MACROD1: variants seen among roughly 807,000 people sequenced by gnomAD.
The protein encoded by MACROD1 is mono-ADP ribosylhydrolase 1, also known as ADP-ribose glycohydrolase MACROD1.
In MACROD1, 31 loss-of-function variants were observed where a neutral mutation model predicts 41.4. The ratio of observed to expected loss-of-function variants is 0.75; its 90% CI spans 0.56 to 1.01. The LOEUF (loss-of-function observed/expected upper bound fraction) is 1.01, where lower values mean the gene tolerates loss of function less well. MACROD1 is among the 50% of genes least tolerant of loss of function. The probability of loss-of-function intolerance (pLI) is 0.00; values close to 1 mark genes in which losing one functional copy is unlikely to be tolerated. For synonymous variants in MACROD1, 252 were observed against 203.4 expected, an observed-to-expected ratio of 1.24 and a Z score of -2.03; for missense variants, 473 against 460.0, an observed-to-expected ratio of 1.03 and a Z score of -0.26.
At chr11:64,044,057 C>A (rs1590830710) in intron 3 of MACROD1, among the ~76,000 whole-genome samples, 2 of 151,960 alleles carry the variant, frequency 1.3e-5, no homozygotes, top group East Asian at 3.9e-4. Context: ...CTCAGGTGAT[C>A]CACCCACTTC....
At chr11:64,147,750 T>C (rs1945515440) in intron 3 of MACROD1, among the ~76,000 whole-genome samples, 1 of 148,568 alleles carries the variant, frequency 6.7e-6, no homozygotes. Flanking sequence ...ATTATATATA[T>C]ATATATATTT....
At position 64,064,945 on chromosome 11, in the gene MACROD1, G is replaced by A. The variant is rs1222235632; in HGVS notation, c.518-49664C>T. On this transcript the variant is annotated intron_variant, in intron 3 of 10. Coordinates refer to ENST00000255681, the MANE Select transcript of MACROD1 (RefSeq NM_014067.4). This position sits in a 1 kb window ranked among gnomAD's most constrained non-coding sequence, Gnocchi z 4.5. Reference sequence around the variant, plus strand: ...CGGCAGGCAGGAGGGCCACCATGGTGACTGAGACAGACTCAGGGTCTTTCC... The same window carrying A: ...CGGCAGGCAGGAGGGCCACCATGGTAACTGAGACAGACTCAGGGTCTTTCC... Among the ~76,000 whole-genome samples, 6 of 151,646 alleles carry A rather than the reference G, an allele frequency of 4.0e-5. No homozygotes were observed. The East Asian group carries it at 1.2e-3, about 30-fold the overall frequency.
intron 5 of MACROD1, 29 bp from the exon 6 acceptor site, chr11:63,999,792 G>A (rs1423120041): frequency 3.8e-6 from 6 of 1,592,840 alleles, no homozygotes; most frequent in South Asian, 1.1e-5. Context: ...TCAGACCGGC[G>A]GGGGTCTACG....
chr11:64,095,006 A>G (rs1944552653), intron 3 of MACROD1, among the ~76,000 whole-genome samples: 1 of 152,184 alleles, frequency 6.6e-6, no homozygotes, highest in Non-Finnish European at 1.5e-5. Flanking sequence ...GAGCCTCGTT[A>G]TTAACAAAAG....
At chr11:64,000,568 C>A (rs1942806803) in intron 4 of MACROD1, among the ~76,000 whole-genome samples, 1 of 151,714 alleles carries the variant, frequency 6.6e-6, no homozygotes, top group African/African-American at 2.4e-5. Context: ...GGCGGGAAGT[C>A]GCGCAAGGAG....
At chr11:64,034,828 G>C (rs1943343661) in intron 3 of MACROD1, among the ~76,000 whole-genome samples, 2 of 152,250 alleles carry the variant, frequency 1.3e-5, no homozygotes, top group Non-Finnish European at 2.9e-5. Flanking sequence ...GCAGGCTTGG[G>C]ACTCAGAGCA....
chr11:64,010,186 CTGGGGTGTTGGT>C (rs1348414905), intron 4 of MACROD1, among the ~76,000 whole-genome samples: 1 of 134,750 alleles, frequency 7.4e-6, no homozygotes, highest in African/African-American at 2.8e-5. Context: ...GGTGTGTTGG[CTGGGGTGTTGGT>C]TGGCATATTG....
intron 3 of MACROD1, chr11:64,117,501 C>T: frequency 3.1e-6 from 5 of 1,610,380 alleles, no homozygotes; most frequent in Non-Finnish European, 4.2e-6. Flanking sequence ...CCTGTTTACC[C>T]TCAAGGCCAA....
chr11:64,062,204 T>C (rs1238736714), intron 3 of MACROD1, among the ~76,000 whole-genome samples: 1 of 152,110 alleles, frequency 6.6e-6, no homozygotes, highest in East Asian at 1.9e-4. Flanking sequence ...TGCCACACTA[T>C]GAGGGTTCCA....
chr11:64,026,137 T>G (rs1452643865), intron 3 of MACROD1, among the ~76,000 whole-genome samples: 1 of 152,140 alleles, frequency 6.6e-6, no homozygotes, highest in Admixed American at 6.5e-5. Flanking sequence ...GCCGAGATTG[T>G]GCCATTGCAC....
chr11:64,063,745 G>T (rs143266298), intron 3 of MACROD1, among the ~76,000 whole-genome samples: 1 of 152,178 alleles, frequency 6.6e-6, no homozygotes, highest in African/African-American at 2.4e-5. Context: ...GGGCAGCCAC[G>T]CGGTCCTCGC....
At chr11:64,154,327 C>A (rs1382509211) in intron 1 of MACROD1, among the ~76,000 whole-genome samples, 1 of 152,122 alleles carries the variant, frequency 6.6e-6, no homozygotes, top group Non-Finnish European at 1.5e-5. Flanking sequence ...CGAGACCCTG[C>A]ACCAGGGGTC....
intron 3 of MACROD1, among the ~76,000 whole-genome samples, chr11:64,143,565 C>T (rs1187323254): frequency 6.6e-6 from 1 of 152,048 alleles, no homozygotes; most frequent in African/African-American, 2.4e-5. Flanking sequence ...CCCAGGAGCC[C>T]AGATTCAGAT....
chr11:64,147,534 T>C (rs779092645), intron 3 of MACROD1, among the ~76,000 whole-genome samples: 1 of 145,978 alleles, frequency 6.9e-6, no homozygotes. Context: ...GTGATTCTCC[T>C]ACCTCAGCCT....
intron 3 of MACROD1, among the ~76,000 whole-genome samples, chr11:64,143,392 G>A (rs1167894336): frequency 6.6e-6 from 1 of 152,134 alleles, no homozygotes; most frequent in Non-Finnish European, 1.5e-5. Flanking sequence ...AACGTGTGCA[G>A]CGTGTTGAGC....
chr11:64,026,399 A>G (rs138705537), intron 3 of MACROD1, among the ~76,000 whole-genome samples: 2 of 152,220 alleles, frequency 1.3e-5, no homozygotes, highest in Non-Finnish European at 2.9e-5. Context: ...ACTGACCCAC[A>G]GTCAAGCATG....
At chr11:64,104,539 C>G (rs973488109) in intron 3 of MACROD1, among the ~76,000 whole-genome samples, 1 of 152,130 alleles carries the variant, frequency 6.6e-6, no homozygotes, top group Non-Finnish European at 1.5e-5. Flanking sequence ...AAGGTGGTAG[C>G]AGTGAGGCCT....
chr11:64,037,040 A>C (rs1943395496), intron 3 of MACROD1, among the ~76,000 whole-genome samples: 2 of 152,172 alleles, frequency 1.3e-5, no homozygotes, highest in African/African-American at 4.8e-5. Flanking sequence ...GAGGCCCTCC[A>C]GGGTGGGCAG....
intron 3 of MACROD1, among the ~76,000 whole-genome samples, chr11:64,125,901 C>T (rs192584623): frequency 7.3e-4 from 111 of 152,314 alleles, no homozygotes; most frequent in Admixed American, 3.0e-3. Flanking sequence ...AGGAACTCAT[C>T]GGGCTTCCTC....
Sources: gnomAD v4.1 joint callset for allele counts (sites outside exome capture counted in the v4.1 genomes callset) on GRCh38, gnomAD v4.1.1 for gene constraint, Gnocchi (gnomAD v3.1) non-coding constraint, MANE v1.5 for transcripts, NCBI Gene and HGNC (gene_info 2026-07-23, HGNC 2026-07-21) for gene names.